Variants in EDNRB observed in about 807,000 individuals in gnomAD.
The protein encoded by EDNRB is Hirschsprung disease 2.
In EDNRB, 18 loss-of-function variants were observed where a neutral mutation model predicts 46.4. That is an observed-to-expected ratio of 0.39 (90% CI 0.27 to 0.57). EDNRB has a LOEUF of 0.57. EDNRB is among the 20% of genes least tolerant of loss of function. The pLI is 0.61. For synonymous variants in EDNRB, 213 were observed against 204.9 expected (o/e 1.04, Z -0.34); for missense variants, 434 against 537.5 (o/e 0.81, Z 1.90).
intron 1 of EDNRB, among the ~76,000 whole-genome samples, chr13:77,959,912 T>C (rs1881354930): frequency 6.6e-6 from 1 of 152,248 alleles, no homozygotes; most frequent in Non-Finnish European, 1.5e-5. Flanking sequence ...AGTAGCTGAT[T>C]CCATCAACTG....
At chr13:77,954,810 A>T (rs1158974329) in intron 1 of EDNRB, among the ~76,000 whole-genome samples, 1 of 151,626 alleles carries the variant, frequency 6.6e-6, no homozygotes, top group African/African-American at 2.4e-5. Context: ...CCCAGCCAGG[A>T]TTTTCTTTTT....
chr13:77,927,632 G>A lies in EDNRB; in HGVS notation c.-51-9008C>T, dbSNP rs148859418. On this transcript the variant is annotated intron_variant, in intron 1 of 7. Transcript: ENST00000646948. ...TACTGGGATGCTTTGCATGAAATTC[G>A]TCCACAGCAAGAGCTGTAACATATT... 7.9e-5 allele frequency among the ~76,000 whole-genome samples: 12 copies of A among 152,188 alleles called. No individual in the cohort carries two copies. The East Asian group carries it at 1.7e-3, about 22-fold the overall frequency.
intron 1 of EDNRB, among the ~76,000 whole-genome samples, chr13:77,931,759 A>C (rs1212622418): frequency 2.3e-4 from 31 of 132,626 alleles, no homozygotes; most frequent in Non-Finnish European, 3.4e-4. Context: ...AAAAAAAAAA[A>C]ACAAAAAAAA....
In EDNRB at chr13:77,973,928, C is replaced by A. The variant is rs947360110; in HGVS notation, c.-52+1419G>T. 2.9e-5 allele frequency among the ~76,000 whole-genome samples: 4 copies of A among 138,546 alleles called. 1 individual carries two copies. Among genetic ancestry groups the A allele is most frequent in the Non-Finnish European group, 6.0e-5 (4 of 66,456 alleles). 90.9% of individuals were successfully genotyped at this position (138,546 alleles called of 152,430 possible). A position where few individuals can be genotyped will look rare whatever the true frequency, so the allele number is the denominator to read the frequency against. On this transcript the variant is annotated intron_variant, in intron 1 of 7. Coordinates refer to the EDNRB transcript ENST00000646948. ...CTCTTTTTACATAAATTCTGCCCCC[C>A]CTTTTTTCCTTTTTTTTTTTTTGAA...
intron 1 of EDNRB, among the ~76,000 whole-genome samples, chr13:77,949,881 A>G (rs1881038680): frequency 6.6e-6 from 1 of 152,064 alleles, no homozygotes; most frequent in Admixed American, 6.6e-5. Context: ...AGTTAACAGG[A>G]TTTTTCATAC....
chr13:77,929,084 C>G (rs1880316489), intron 1 of EDNRB, among the ~76,000 whole-genome samples: 1 of 152,190 alleles, frequency 6.6e-6, no homozygotes, highest in South Asian at 2.1e-4. Context: ...TGATTCATTT[C>G]CTGTACTTGT....
In EDNRB at chr13:77,903,658, C is replaced by T. The variant is rs12720185; in HGVS notation, c.484-51G>A. ...GTTAGGGGGTTTCATAAGATGCCCTCTGAATTGTATCACTTAGTGAAGAGT... is the reference window on the plus strand; with the variant it reads ...GTTAGGGGGTTTCATAAGATGCCCTTTGAATTGTATCACTTAGTGAAGAGT... On this transcript the variant is annotated intron_variant, in intron 1 of 6. Transcript: ENST00000646607. 1,305 of 1,475,250 alleles carry T rather than the reference C, an allele frequency of 8.8e-4. 7 individuals are homozygous for T. The African/African-American group carries it at 0.016, about 18-fold the overall frequency. The allele number at this position is 1,475,250 out of a possible 1,614,324, so 91.4% of individuals were successfully genotyped here. A position where few individuals can be genotyped will look rare whatever the true frequency, so the allele number is the denominator to read the frequency against.
intron 1 of EDNRB, among the ~76,000 whole-genome samples, chr13:77,942,546 T>A (rs1465937656): frequency 6.6e-6 from 1 of 152,134 alleles, no homozygotes; most frequent in Non-Finnish European, 1.5e-5. Flanking sequence ...TTTCTTAGAT[T>A]GCATCACATT....
In EDNRB at chr13:77,918,696, A is replaced by C; in HGVS notation, c.-123T>G. 7.1e-7 allele frequency: 1 copy of C among 1,401,948 alleles called. No homozygotes were observed. Among genetic ancestry groups the C allele is most frequent in the East Asian group, 2.6e-5 (1 of 37,842 alleles). The allele number at this position is 1,401,948 out of a possible 1,614,324, so 86.8% of individuals were successfully genotyped here. A position where few individuals can be genotyped will look rare whatever the true frequency, so the allele number is the denominator to read the frequency against. ...CCGAGCCAAGTCGCTGCAAACGCTA[A>C]TACCGCCCGCAGCCTCTTCGCCAGT... On this transcript the variant is annotated 5_prime_UTR_variant, in exon 1 of 7. Transcript: ENST00000646607. This position sits in a 1 kb window ranked among gnomAD's most constrained non-coding sequence, Gnocchi z 4.5.
At chr13:77,937,882 G>T (rs116735157) in intron 1 of EDNRB, among the ~76,000 whole-genome samples, 4,653 of 152,200 alleles carry the variant, frequency 0.031, 209 homozygotes, top group South Asian at 0.13. Flanking sequence ...GCTGCATCGG[G>T]AACAGAGACT....
intron 1 of EDNRB, among the ~76,000 whole-genome samples, chr13:77,916,870 T>G (rs1264424655): frequency 6.6e-6 from 1 of 152,158 alleles, no homozygotes; most frequent in East Asian, 1.9e-4. Flanking sequence ...GTTTTAAATA[T>G]TTTCATATGT....
At chr13:77,966,787 T>C (rs1881595551) in intron 1 of EDNRB, among the ~76,000 whole-genome samples, 1 of 152,198 alleles carries the variant, frequency 6.6e-6, no homozygotes. Flanking sequence ...TTATGATTTC[T>C]TCTGAGACTG....
chr13:77,970,586 T>A (rs551020341), intron 1 of EDNRB, among the ~76,000 whole-genome samples: 1 of 152,246 alleles, frequency 6.6e-6, no homozygotes, highest in South Asian at 2.1e-4. Flanking sequence ...TTTATTATCT[T>A]TTTTATTATT....
chr13:77,972,930 C>G (rs1173484211), intron 1 of EDNRB, among the ~76,000 whole-genome samples: 1 of 152,118 alleles, frequency 6.6e-6, no homozygotes. Context: ...TGAACAGCAG[C>G]CTTGGTGGTT....
intron 4 of EDNRB, 106 bp from the exon 5 acceptor site, chr13:77,900,760 A>G (rs1878926494): frequency 2.0e-6 from 3 of 1,507,638 alleles, no homozygotes; most frequent in East Asian, 2.4e-5. Context: ...TCAGTGGCAT[A>G]TGTAAAAACT....
rs1203450566 is a variant in EDNRB at position 77,903,137 on chromosome 13, T to TA, written c.801+18dup. 9.9e-6 allele frequency: 16 copies of TA among 1,611,564 alleles called. No individual in the cohort carries two copies. Among genetic ancestry groups the TA allele is most frequent in the South Asian group, 9.9e-5 (9 of 91,032 alleles). On this transcript the variant is annotated intron_variant, in intron 3 of 6. Transcript: ENST00000646607. The stretch of plus-strand genomic sequence containing the variant: ...TATAAGGCAAGAGCAGAAAGGAAAA[T>TA]AAAAAAAGTGAAATTTACCTGCATG...
chr13:77,903,578 A>T lies in EDNRB; in HGVS notation c.513T>A (p.Ala171=), dbSNP rs747279929. Residue 171 remains alanine (A), a synonymous_variant, in exon 2 of 7, where the codon GCT becomes GCA. Transcript: ENST00000646607. ...KLLAEDWPFG[A]EMCKLVPFIQ... is the part of the protein sequence containing the mutation. ...TGAAAGGCACCAGCTTACACATCTCAGCTCCAAATGGCCAGTCCTCTGCCA... is the reference window on the plus strand; with the variant it reads ...TGAAAGGCACCAGCTTACACATCTCTGCTCCAAATGGCCAGTCCTCTGCCA... The T allele has an allele frequency of 6.8e-6, 11 of 1,612,548 alleles. No individual in the cohort carries two copies.
At chr13:77,900,333 A>T (rs3818416) in intron 5 of EDNRB, among the ~76,000 whole-genome samples, 188 bp downstream of exon 5, 1 of 151,662 alleles carries the variant, frequency 6.6e-6, no homozygotes, top group African/African-American at 2.4e-5. Context: ...GACTCTCTGT[A>T]CCCAGTGTTC....
rs544344054 is a variant in EDNRB, at chr13:77,965,476, G to A, written c.-52+9871C>T. Among the ~76,000 whole-genome samples, 4 of 152,262 alleles carry A rather than the reference G, an allele frequency of 2.6e-5. No individual in the cohort carries two copies. In the South Asian group the frequency reaches 8.3e-4, roughly 32 times the overall value. On this transcript the variant is annotated intron_variant, in intron 1 of 7. Coordinates refer to the EDNRB transcript ENST00000646948. The stretch of plus-strand genomic sequence containing the variant: ...AACAGTAAAGTGTGGAGAGCAGAAA[G>A]ATATGGGAATTATTGAAGAATGGGA...
Sources: gnomAD v4.1 joint callset for allele counts (sites outside exome capture counted in the v4.1 genomes callset) on GRCh38, gnomAD v4.1.1 for gene constraint, Gnocchi (gnomAD v3.1) non-coding constraint, MANE v1.5 for transcripts, NCBI Gene and HGNC (gene_info 2026-07-23, HGNC 2026-07-21) for gene names.